PXDNL: variants seen among roughly 807,000 people sequenced by gnomAD.
The protein encoded by PXDNL is probable oxidoreductase PXDNL.
In PXDNL, 145 loss-of-function variants were observed where a neutral mutation model predicts 150.8. That is an observed-to-expected ratio of 0.96 (90% CI 0.84 to 1.10). The LOEUF (loss-of-function observed/expected upper bound fraction) is 1.10, where lower values mean the gene tolerates loss of function less well. Ranked by LOEUF, PXDNL falls within the 50% of genes least tolerant of loss-of-function variation. The pLI, the probability that PXDNL is intolerant of heterozygous loss-of-function variation, is 0.00. For missense variants in PXDNL, 2,087 were observed against 1,873.9 expected (o/e 1.11, Z -2.10); for synonymous variants, 757 against 725.7 (o/e 1.04, Z -0.69).
chr8:51,496,647 A>G (rs1585525429), intron 5 of PXDNL, among the ~76,000 whole-genome samples: 1 of 152,306 alleles, frequency 6.6e-6, no homozygotes, highest in Non-Finnish European at 1.5e-5. Context: ...CCAATAACAG[A>G]CAAACAGAGA....
intron 1 of PXDNL, among the ~76,000 whole-genome samples, chr8:51,663,341 C>T (rs112048371): frequency 6.6e-6 from 1 of 152,192 alleles, no homozygotes; most frequent in African/African-American, 2.4e-5. Flanking sequence ...CTCCTGATTT[C>T]CTTGTTAGTA....
At chr8:51,698,433 C>T (rs1460156178) in intron 1 of PXDNL, among the ~76,000 whole-genome samples, 1 of 152,168 alleles carries the variant, frequency 6.6e-6, no homozygotes, top group Non-Finnish European at 1.5e-5. Flanking sequence ...GAAGCAAGTC[C>T]TCATCCATTC....
At chr8:51,324,317 A>C (rs1359702974) in intron 21 of PXDNL, among the ~76,000 whole-genome samples, 1 of 151,730 alleles carries the variant, frequency 6.6e-6, no homozygotes. Context: ...CATTAGGTTG[A>C]ATAAGAGTGG....
At chr8:51,688,635 T>C (rs1815924867) in intron 1 of PXDNL, among the ~76,000 whole-genome samples, 1 of 152,112 alleles carries the variant, frequency 6.6e-6, no homozygotes, top group South Asian at 2.1e-4. Flanking sequence ...TTAGCCCCTC[T>C]ATCCTAACCT....
intron 2 of PXDNL, among the ~76,000 whole-genome samples, chr8:51,633,825 G>A (rs540254839): frequency 6.6e-6 from 1 of 152,110 alleles, no homozygotes; most frequent in South Asian, 2.1e-4. Flanking sequence ...CTTTTTGATG[G>A]GGTTATGTGT....
At position 51,783,298 on chromosome 8, in the gene PXDNL, G is replaced by A. The variant is rs139541125; in HGVS notation, c.164+25883C>T. On this transcript the variant is annotated intron_variant, in intron 1 of 22. Transcript: ENST00000356297. Reference sequence around the variant, plus strand: ...GTCCACCAGGATGTATGCACAGCCCGAAGTGCCTGCAACTACTGGACACTG... The same window carrying A: ...GTCCACCAGGATGTATGCACAGCCCAAAGTGCCTGCAACTACTGGACACTG... Among the ~76,000 whole-genome samples, 16 of 152,284 alleles carry A rather than the reference G, an allele frequency of 1.1e-4. No homozygotes were observed. In the East Asian group the frequency reaches 2.5e-3, roughly 24 times the overall value.
At chr8:51,676,059 C>G (rs1336734606) in intron 1 of PXDNL, among the ~76,000 whole-genome samples, 1 of 152,172 alleles carries the variant, frequency 6.6e-6, no homozygotes, top group Admixed American at 6.5e-5. Flanking sequence ...CTCCTTATAA[C>G]AGGGTTAAGA....
rs114773393 is a variant in PXDNL at position 51,451,298 on chromosome 8, T to C, written c.1250-2180A>G. 9.3e-3 allele frequency among the ~76,000 whole-genome samples: 1,420 copies of C among 152,144 alleles called. 29 individuals are homozygous for C. The highest frequency in any genetic ancestry group is 0.032 in the African/African-American group (1,332 of 41,516). On this transcript the variant is annotated intron_variant, in intron 10 of 22. Transcript: ENST00000356297. Reference sequence around the variant, plus strand: ...AAAGCATAGAAAACATTTAAGAAAATAGTCAATTTACATTTGTTTCTAACA... The same window carrying C: ...AAAGCATAGAAAACATTTAAGAAAACAGTCAATTTACATTTGTTTCTAACA...
chr8:51,417,127 A>T (rs1262435167), intron 14 of PXDNL, among the ~76,000 whole-genome samples: 1 of 152,218 alleles, frequency 6.6e-6, no homozygotes, highest in Non-Finnish European at 1.5e-5. Context: ...TATTTGTCTC[A>T]AAAATCATCT....
intron 3 of PXDNL, among the ~76,000 whole-genome samples, chr8:51,563,675 G>T (rs558572341): frequency 6.6e-6 from 1 of 151,850 alleles, no homozygotes; most frequent in Admixed American, 6.6e-5. Context: ...ATAATAACTG[G>T]CTTACAAAAA....
chr8:51,501,089 T>G (rs1490700926), intron 4 of PXDNL, among the ~76,000 whole-genome samples: 1 of 152,176 alleles, frequency 6.6e-6, no homozygotes. Context: ...CCAGAAGCAG[T>G]GCCACACTGT....
chr8:51,602,639 A>G (rs980927818), intron 2 of PXDNL, among the ~76,000 whole-genome samples: 12 of 151,808 alleles, frequency 7.9e-5, no homozygotes, highest in Non-Finnish European at 1.5e-5. Flanking sequence ...ATTTATGTTA[A>G]GAACCATGTG....
chr8:51,676,580 C>A (rs1815627392), intron 1 of PXDNL, among the ~76,000 whole-genome samples: 1 of 142,814 alleles, frequency 7.0e-6, no homozygotes, highest in Non-Finnish European at 1.5e-5. Flanking sequence ...CCTGGCCGGA[C>A]TCATCTTTGA....
chr8:51,357,813 G>C (rs183405305), intron 19 of PXDNL, among the ~76,000 whole-genome samples: 3 of 152,268 alleles, frequency 2.0e-5, no homozygotes, highest in Admixed American at 1.3e-4. Context: ...AAATATAACA[G>C]ATTGGACAAT....
chr8:51,634,210 G>A lies in PXDNL; in HGVS notation c.236+20479C>T, dbSNP rs188360668. On this transcript the variant is annotated intron_variant, in intron 2 of 22. Transcript: ENST00000356297. ...TTCTGCATATGGCTAGCCAGTTATC[G>A]CAGCACCATTTATTGAATAGGGAGT... Among the ~76,000 whole-genome samples, 1,149 of 151,990 alleles carry A rather than the reference G, an allele frequency of 7.6e-3. 6 individuals carry two copies. The highest frequency in any genetic ancestry group is 0.017 in the Middle Eastern group (5 of 294).
chr8:51,765,330 C>T (rs1358466073), intron 1 of PXDNL, among the ~76,000 whole-genome samples: 1 of 152,154 alleles, frequency 6.6e-6, no homozygotes, highest in Non-Finnish European at 1.5e-5. Context: ...GGATCTCATT[C>T]TCTTTGCCTG....
At chr8:51,379,897 A>G (rs1014863572) in intron 17 of PXDNL, among the ~76,000 whole-genome samples, 7 of 152,160 alleles carry the variant, frequency 4.6e-5, no homozygotes, top group Non-Finnish European at 1.0e-4. Context: ...CGCACCACTT[A>G]CTGAATATGT....
At chr8:51,572,855 T>C (rs1326919723) in intron 3 of PXDNL, among the ~76,000 whole-genome samples, 1 of 151,906 alleles carries the variant, frequency 6.6e-6, no homozygotes, top group Admixed American at 6.6e-5. Context: ...ATCATATTTA[T>C]CCCACTAAAT....
intron 2 of PXDNL, among the ~76,000 whole-genome samples, chr8:51,611,362 G>C (rs1223690766): frequency 6.6e-6 from 1 of 152,054 alleles, no homozygotes; most frequent in Non-Finnish European, 1.5e-5. Flanking sequence ...ATTTATTGTT[G>C]GTTAGTTTTT....
Sources: allele counts gnomAD v4.1 joint callset (sites outside exome capture counted in the v4.1 genomes callset), GRCh38; gene constraint gnomAD v4.1.1; transcripts MANE v1.5; gene names NCBI Gene and HGNC (gene_info 2026-07-23, HGNC 2026-07-21).